The following ZMAT3 variants were observed in gnomAD, a reference collection of about 807,000 sequenced individuals.
ZMAT3 encodes the protein zinc finger matrin-type 3, also known as zinc finger matrin-type protein 3.
ZMAT3 carries 17 observed loss-of-function variants against 32.3 expected under a neutral mutation model. That is an observed-to-expected ratio of 0.53 (90% CI 0.36 to 0.79). The LOEUF is 0.79. Among genes scored for constraint, ZMAT3 ranks in the 30% least tolerant of loss-of-function variants. The probability of loss-of-function intolerance (pLI) is 0.00; values close to 1 mark genes in which losing one functional copy is unlikely to be tolerated. For missense variants in ZMAT3, 329 were observed against 359.7 expected (o/e 0.91, Z 0.69); for synonymous variants, 120 against 133.1 (o/e 0.90, Z 0.68).
rs552972663 is a variant in ZMAT3, at chr3:179,020,084, A to G, written c.*4933T>C. On this transcript the variant is annotated 3_prime_UTR_variant, in exon 6 of 6. Transcript: ENST00000311417. ...ACATTTATTTAAAAAAGGGAAAAAA[A>G]AGACGTAGAACAGAATTCACACAGA... The G allele has an allele frequency of 6.6e-6, 1 of 152,334 alleles. No individual in the cohort carries two copies. Among genetic ancestry groups the G allele is most frequent in the Non-Finnish European group, 1.5e-5 (1 of 68,014 alleles). The allele number at this position is 152,334 out of a possible 1,614,324, so 9.4% of individuals were successfully genotyped here. A position where few individuals can be genotyped will look rare whatever the true frequency, so the allele number is the denominator to read the frequency against.
At chr3:179,039,150 A>G (rs1256828888) in intron 2 of ZMAT3, among the ~76,000 whole-genome samples, 1 of 152,380 alleles carries the variant, frequency 6.6e-6, no homozygotes, top group South Asian at 2.1e-4. Context: ...AACAAAAGGC[A>G]GCAGACAACT....
At chr3:179,049,300 T>C (rs1720414542) in intron 2 of ZMAT3, among the ~76,000 whole-genome samples, 2 of 152,114 alleles carry the variant, frequency 1.3e-5, no homozygotes, top group Admixed American at 1.3e-4. Flanking sequence ...CAATAAACTA[T>C]ACGTTACAAT....
intron 1 of ZMAT3, among the ~76,000 whole-genome samples, 181 bp from the exon 2 acceptor site, chr3:179,067,990 G>A (rs573707150): frequency 2.1e-4 from 32 of 152,142 alleles, no homozygotes; most frequent in Middle Eastern, 6.8e-3. Context: ...ATGTTAACAC[G>A]GTGCTCTTCC....
chr3:179,031,536 T>C (rs1256030388), intron 2 of ZMAT3, among the ~76,000 whole-genome samples: 2 of 152,222 alleles, frequency 1.3e-5, no homozygotes, highest in East Asian at 3.8e-4. Context: ...TCTTTGGCTC[T>C]AACAGAACAA....
intron 2 of ZMAT3, among the ~76,000 whole-genome samples, chr3:179,037,593 C>T (rs566722496): frequency 4.7e-4 from 71 of 152,266 alleles, no homozygotes; most frequent in Middle Eastern, 6.8e-3. Flanking sequence ...CAGAGATTTC[C>T]GGCTGGTGAA....
chr3:179,056,689 T>A (rs1720865557), intron 2 of ZMAT3, among the ~76,000 whole-genome samples: 1 of 152,106 alleles, frequency 6.6e-6, no homozygotes, highest in Non-Finnish European at 1.5e-5. Flanking sequence ...AGGTTAACTG[T>A]CTCCTGGACA....
upstream of ZMAT3, chr3:179,072,188 G>C (rs1168045002): frequency 1.3e-5 from 2 of 152,464 alleles, no homozygotes; most frequent in Admixed American, 1.3e-4. Context: ...TTAGCCTGCT[G>C]GTTGGCGGTT....
chr3:179,045,180 C>T (rs1271983621), intron 2 of ZMAT3, among the ~76,000 whole-genome samples: 1 of 151,838 alleles, frequency 6.6e-6, no homozygotes, highest in African/African-American at 2.4e-5. Context: ...ATTGAGAATG[C>T]CCATGAAATA....
intron 2 of ZMAT3, among the ~76,000 whole-genome samples, chr3:179,054,081 C>T (rs1048461425): frequency 6.6e-6 from 1 of 152,192 alleles, no homozygotes; most frequent in Admixed American, 6.5e-5. Context: ...ACTTTTGGAA[C>T]TGTTTTGTAA....
chr3:179,059,052 T>C (rs535537036), intron 2 of ZMAT3, among the ~76,000 whole-genome samples: 3 of 152,230 alleles, frequency 2.0e-5, no homozygotes, highest in South Asian at 4.1e-4. Context: ...CATTAGGAGA[T>C]TGTTATTGGC....
In ZMAT3 at chr3:179,023,034, A is replaced by T. The variant is rs531646033; in HGVS notation, c.*1983T>A. 6.6e-6 allele frequency: 1 copy of T among 152,212 alleles called. No homozygotes were observed. Among genetic ancestry groups the T allele is most frequent in the African/African-American group, 2.4e-5 (1 of 41,456 alleles). The allele number at this position is 152,212 out of a possible 1,614,324, so 9.4% of individuals were successfully genotyped here. ...GCTTAAAATATAAACTTCCTGATCA[A>T]GTGGGCTTTCAAAAGAAATACGGAT... On this transcript the variant is annotated 3_prime_UTR_variant, in exon 6 of 6. Transcript: ENST00000311417.
At chr3:179,053,982 A>G (rs1486231076) in intron 2 of ZMAT3, among the ~76,000 whole-genome samples, 2 of 152,238 alleles carry the variant, frequency 1.3e-5, no homozygotes, top group East Asian at 3.8e-4. Flanking sequence ...TCTGTGTTAA[A>G]TTCCTGATTT....
chr3:179,062,317 G>A lies in ZMAT3; in HGVS notation c.270+5166C>T, dbSNP rs191874499. 1.7e-3 allele frequency among the ~76,000 whole-genome samples: 259 copies of A among 152,274 alleles called. 1 individual carries two copies. Among genetic ancestry groups the A allele is most frequent in the African/African-American group, 6.1e-3 (253 of 41,552 alleles). On this transcript the variant is annotated intron_variant, in intron 2 of 5. Transcript: ENST00000311417. ...GCAGAATGCTAAGGACAGGAGAGGA[G>A]AGGAGAAAGGTTGCTAATAGAAGGG...
At chr3:179,030,431 T>C (rs1405211482) in intron 3 of ZMAT3, among the ~76,000 whole-genome samples, 1 of 149,742 alleles carries the variant, frequency 6.7e-6, no homozygotes, top group Non-Finnish European at 1.5e-5. Context: ...CTCAGCTCAC[T>C]GCAAGCTCCG....
At chr3:179,030,362 T>C (rs1424799774) in intron 3 of ZMAT3, among the ~76,000 whole-genome samples, 1 of 151,060 alleles carries the variant, frequency 6.6e-6, no homozygotes, top group Non-Finnish European at 1.5e-5. Context: ...TTCTTTTTTT[T>C]TTTTTTTTTT....
chr3:179,038,379 G>A (rs1719721902), intron 2 of ZMAT3, among the ~76,000 whole-genome samples: 1 of 152,122 alleles, frequency 6.6e-6, no homozygotes, highest in Non-Finnish European at 1.5e-5. Context: ...CTAAGACTTT[G>A]AGACCAAACT....
At chr3:179,049,928 C>A (rs560265720) in intron 2 of ZMAT3, among the ~76,000 whole-genome samples, 1 of 129,082 alleles carries the variant, frequency 7.7e-6, no homozygotes, top group South Asian at 2.6e-4. Context: ...GGAGGCAGAG[C>A]TGGCAGTAAG....
chr3:179,038,291 G>T (rs1719715753), intron 2 of ZMAT3, among the ~76,000 whole-genome samples: 1 of 152,162 alleles, frequency 6.6e-6, no homozygotes, highest in Admixed American at 6.5e-5. Flanking sequence ...TTAAAACCAT[G>T]GAACTAGGGC....
At position 179,019,985 on chromosome 3, in the gene ZMAT3, G is replaced by A. The variant is rs1338828418; in HGVS notation, c.*5032C>T. On this transcript the variant is annotated 3_prime_UTR_variant, in exon 6 of 6. Coordinates refer to ENST00000311417, the MANE Select transcript of ZMAT3 (RefSeq NM_022470.4). ...ATGATCTCTGACTTCTGCCAGCTTGGGAAAACTGGATTCATTTTCAGAATG... is the reference window on the plus strand; with the variant it reads ...ATGATCTCTGACTTCTGCCAGCTTGAGAAAACTGGATTCATTTTCAGAATG... 1 of 152,008 alleles carries A rather than the reference G, an allele frequency of 6.6e-6. No individual in the cohort carries two copies. Among genetic ancestry groups the A allele is most frequent in the East Asian group, 1.9e-4 (1 of 5,192 alleles). The allele number at this position is 152,008 out of a possible 1,614,324, so 9.4% of individuals were successfully genotyped here. A position where few individuals can be genotyped will look rare whatever the true frequency, so the allele number is the denominator to read the frequency against.
Sources: allele counts gnomAD v4.1 joint callset (sites outside exome capture counted in the v4.1 genomes callset), GRCh38; gene constraint gnomAD v4.1.1; transcripts MANE v1.5; gene names NCBI Gene and HGNC (gene_info 2026-07-23, HGNC 2026-07-21).